The following SSBP2 variants were observed in gnomAD, a reference collection of about 807,000 sequenced individuals.
SSBP2 encodes single stranded DNA binding protein 2, also known as single-stranded DNA-binding protein 2.
SSBP2 carries 17 observed loss-of-function variants against 61.8 expected under a neutral mutation model. The ratio of observed to expected loss-of-function variants is 0.28; its 90% CI spans 0.19 to 0.41. The LOEUF is 0.41. SSBP2 is among the 10% of genes least tolerant of loss of function. The pLI, the probability that SSBP2 is intolerant of heterozygous loss-of-function variation, is 1.00. For missense variants in SSBP2, 310 were observed against 458.7 expected (o/e 0.68, Z 2.96); for synonymous variants, 139 against 141.3 (o/e 0.98, Z 0.12).
At chr5:81,686,918 A>G (rs190380697) in intron 1 of SSBP2, among the ~76,000 whole-genome samples, 5 of 149,368 alleles carry the variant, frequency 3.3e-5, no homozygotes, top group African/African-American at 1.2e-4. Context: ...GAAAAGAAAA[A>G]GTGACAAAAT....
At chr5:81,459,430 G>A (rs1222033757) in intron 10 of SSBP2, among the ~76,000 whole-genome samples, 1 of 152,162 alleles carries the variant, frequency 6.6e-6, no homozygotes, top group Non-Finnish European at 1.5e-5. Flanking sequence ...AAGGTGGGTA[G>A]TGGTGGGTGT....
At chr5:81,493,932 G>A (rs192893521) in intron 5 of SSBP2, among the ~76,000 whole-genome samples, 11 of 152,224 alleles carry the variant, frequency 7.2e-5, no homozygotes, top group African/African-American at 2.6e-4. Context: ...CAAAGGCACT[G>A]TTCTAAGTGG....
chr5:81,451,174 G>A (rs943542162), intron 10 of SSBP2, among the ~76,000 whole-genome samples: 1 of 152,098 alleles, frequency 6.6e-6, no homozygotes, highest in Non-Finnish European at 1.5e-5. Context: ...TTTAACAATG[G>A]ACTCTTGTGA....
chr5:81,670,120 G>A (rs962811545), intron 1 of SSBP2, among the ~76,000 whole-genome samples: 1 of 152,146 alleles, frequency 6.6e-6, no homozygotes, highest in Non-Finnish European at 1.5e-5. Flanking sequence ...AAAACTCATA[G>A]AATGCACACC....
chr5:81,683,319 A>G (rs1451230849), intron 1 of SSBP2, among the ~76,000 whole-genome samples: 2 of 152,178 alleles, frequency 1.3e-5, no homozygotes, highest in African/African-American at 2.4e-5. Flanking sequence ...GAGCCCAGAA[A>G]CAGACCCACA....
At chr5:81,673,154 T>C (rs908131767) in intron 1 of SSBP2, among the ~76,000 whole-genome samples, 1 of 152,172 alleles carries the variant, frequency 6.6e-6, no homozygotes, top group Non-Finnish European at 1.5e-5. Flanking sequence ...ATATTTACTT[T>C]CTAATCACTT....
intron 9 of SSBP2, among the ~76,000 whole-genome samples, chr5:81,465,139 AT>A (rs2154007057): frequency 6.6e-6 from 1 of 152,142 alleles, no homozygotes; most frequent in South Asian, 2.1e-4. Context: ...AAAACTAAAA[AT>A]GGTATAGGAT....
chr5:81,643,595 CTTTTTTTTTTTTTT>C (rs368511957), intron 2 of SSBP2, among the ~76,000 whole-genome samples: 3 of 60,250 alleles, frequency 5.0e-5, no homozygotes, highest in East Asian at 7.5e-4. Context: ...TTTTTCCTTT[CTTTTTTTTTTTTTT>C]TTTTTTTTTT....
chr5:81,493,300 AGATT>A (rs1561466006), intron 5 of SSBP2, among the ~76,000 whole-genome samples: 3 of 144,736 alleles, frequency 2.1e-5, no homozygotes, highest in East Asian at 4.0e-4. Flanking sequence ...ATAGATAGAT[AGATT>A]AACAGGGTCT....
At chr5:81,687,000 G>A (rs1752862595) in intron 1 of SSBP2, among the ~76,000 whole-genome samples, 1 of 151,998 alleles carries the variant, frequency 6.6e-6, no homozygotes, top group Non-Finnish European at 1.5e-5. Context: ...CGAAGTGAAT[G>A]ACTATTCACA....
At chr5:81,654,630 A>G (rs943952741) in intron 1 of SSBP2, among the ~76,000 whole-genome samples, 1 of 152,192 alleles carries the variant, frequency 6.6e-6, no homozygotes, top group East Asian at 1.9e-4. Context: ...GCTTCAGATT[A>G]TGTATTTCCC....
chr5:81,536,794 G>C (rs1018109139), intron 4 of SSBP2, among the ~76,000 whole-genome samples: 1 of 152,034 alleles, frequency 6.6e-6, no homozygotes, highest in Non-Finnish European at 1.5e-5. Context: ...GGCCAAGGAG[G>C]GCGGATCATG....
chr5:81,564,249 GA>G (rs1447104314), intron 4 of SSBP2, among the ~76,000 whole-genome samples: 1 of 152,164 alleles, frequency 6.6e-6, no homozygotes, highest in Non-Finnish European at 1.5e-5. Flanking sequence ...AAGTGTTGAT[GA>G]GGATAGGGAG....
At chr5:81,749,125 A>G (rs995627269) in intron 1 of SSBP2, among the ~76,000 whole-genome samples, 1 of 152,228 alleles carries the variant, frequency 6.6e-6, no homozygotes, top group Non-Finnish European at 1.5e-5. Flanking sequence ...CAGGCACATT[A>G]TAACAAAATG....
At chr5:81,489,156 G>A (rs1766661508) in intron 6 of SSBP2, 94 bp downstream of exon 6, 1 of 1,155,732 alleles carries the variant, frequency 8.7e-7, no homozygotes, top group Non-Finnish European at 1.2e-6. Flanking sequence ...GACAGAAAAA[G>A]GAGAATTTCA....
At chr5:81,600,518 C>T (rs1035803826) in intron 4 of SSBP2, among the ~76,000 whole-genome samples, 7 of 144,826 alleles carry the variant, frequency 4.8e-5, no homozygotes, top group South Asian at 2.2e-4. Context: ...GCCGAGATCA[C>T]GCCACTGCAC....
intron 3 of SSBP2, among the ~76,000 whole-genome samples, chr5:81,633,678 C>T (rs1747942054): frequency 6.6e-6 from 1 of 152,064 alleles, no homozygotes; most frequent in South Asian, 2.1e-4. Flanking sequence ...GCTTCATTTC[C>T]CTCTCCTTTA....
chr5:81,473,804 G>T (rs1157877325), intron 7 of SSBP2, 34 bp from the exon 8 acceptor site: 1 of 1,589,084 alleles, frequency 6.3e-7, no homozygotes, highest in Admixed American at 1.7e-5. Flanking sequence ...GCAAAGTAAT[G>T]AGCATGAGTA....
intron 1 of SSBP2, among the ~76,000 whole-genome samples, chr5:81,745,937 T>C (rs1757325034): frequency 6.6e-6 from 1 of 152,074 alleles, no homozygotes; most frequent in Non-Finnish European, 1.5e-5. Context: ...AAAATAATTC[T>C]AGAAGTGATT....
Sources: allele counts gnomAD v4.1 joint callset (sites outside exome capture counted in the v4.1 genomes callset), GRCh38; gene constraint gnomAD v4.1.1; transcripts MANE v1.5; gene names NCBI Gene and HGNC (gene_info 2026-07-23, HGNC 2026-07-21).